DCBLD2: variants seen among roughly 807,000 people sequenced by gnomAD.
The protein encoded by DCBLD2 is discoidin, CUB and LCCL domain containing 2, also known as discoidin, CUB and LCCL domain-containing protein 2.
DCBLD2 carries 54 observed loss-of-function variants against 86.8 expected under a neutral mutation model. The ratio of observed to expected loss-of-function variants is 0.62; its 90% confidence interval spans 0.50 to 0.78. The LOEUF (loss-of-function observed/expected upper bound fraction) is 0.78. Ranked by LOEUF, DCBLD2 falls within the 30% of genes least tolerant of loss-of-function variation. DCBLD2 has a pLI of 0.00. For missense variants in DCBLD2, 908 were observed against 954.2 expected, an observed-to-expected ratio of 0.95 and a Z score of 0.64; for synonymous variants, 354 against 341.3, an observed-to-expected ratio of 1.04 and a Z score of -0.41.
intron 3 of DCBLD2, among the ~76,000 whole-genome samples, chr3:98,847,214 A>G (rs1942742467): frequency 7.7e-6 from 1 of 130,228 alleles, no homozygotes; most frequent in Admixed American, 7.7e-5. Context: ...GCCTACAAAC[A>G]GTACACATGT....
At chr3:98,842,841 A>C (rs1358254453) in intron 3 of DCBLD2, among the ~76,000 whole-genome samples, 1 of 152,226 alleles carries the variant, frequency 6.6e-6, no homozygotes, top group Non-Finnish European at 1.5e-5. Flanking sequence ...TTTGTGACCT[A>C]CACAGTATCT....
At chr3:98,893,951 T>C (rs1222426906) in intron 1 of DCBLD2, among the ~76,000 whole-genome samples, 1 of 152,220 alleles carries the variant, frequency 6.6e-6, no homozygotes, top group Admixed American at 6.5e-5. Flanking sequence ...ACCTCATTTG[T>C]GGCAGATCTA....
At chr3:98,842,302 C>A (rs1430219652) in intron 3 of DCBLD2, among the ~76,000 whole-genome samples, 1 of 152,122 alleles carries the variant, frequency 6.6e-6, no homozygotes, top group Non-Finnish European at 1.5e-5. Context: ...TGTTCAAGTG[C>A]TAAAGGATGT....
At chr3:98,800,185 A>G (rs1048873088) in intron 15 of DCBLD2, among the ~76,000 whole-genome samples, 3 of 152,210 alleles carry the variant, frequency 2.0e-5, no homozygotes, top group African/African-American at 7.2e-5. Flanking sequence ...ACTGGAATAA[A>G]TATTAATCTT....
chr3:98,844,751 C>A (rs1942689153), intron 3 of DCBLD2, among the ~76,000 whole-genome samples: 1 of 152,198 alleles, frequency 6.6e-6, no homozygotes, highest in South Asian at 2.1e-4. Flanking sequence ...GTAACACCAG[C>A]AGTAACTCAG....
chr3:98,804,351 T>C (rs1941789980), intron 13 of DCBLD2, among the ~76,000 whole-genome samples: 1 of 152,232 alleles, frequency 6.6e-6, no homozygotes, highest in Non-Finnish European at 1.5e-5. Flanking sequence ...TTTGTAGTAT[T>C]CTCTGATGGT....
chr3:98,849,567 G>A lies in DCBLD2; in HGVS notation c.465C>T (p.Asn155=), dbSNP rs1576180480. 1 of 1,613,412 alleles carries A rather than the reference G, an allele frequency of 6.2e-7. No homozygotes were observed. The highest frequency in any genetic ancestry group is 8.5e-7 in the Non-Finnish European group (1 of 1,179,456). ...GKYCGLGLQM[N]HSIESKGNEI... Reference sequence around the variant, plus strand: ...CATTGCCTTTTGATTCAATTGAATGGTTCATTTGCAACCCCAGACCACAGT... The same window carrying A: ...CATTGCCTTTTGATTCAATTGAATGATTCATTTGCAACCCCAGACCACAGT... Residue 155 remains asparagine, a synonymous_variant, in exon 3 of 16, where the codon AAC becomes AAT. Coordinates refer to ENST00000326840, the MANE Select transcript of DCBLD2 (RefSeq NM_080927.4).
chr3:98,818,788 G>A (rs2107444275), intron 8 of DCBLD2, among the ~76,000 whole-genome samples: 1 of 152,166 alleles, frequency 6.6e-6, no homozygotes, highest in East Asian at 1.9e-4. Context: ...CAAGTTCTTA[G>A]CTTTGGGACT....
chr3:98,892,445 G>A (rs900806611), intron 1 of DCBLD2, among the ~76,000 whole-genome samples: 7 of 151,978 alleles, frequency 4.6e-5, no homozygotes, highest in Non-Finnish European at 8.8e-5. Flanking sequence ...TTATTTGACT[G>A]GTCCAAGGGT....
At chr3:98,877,475 A>G (rs1286690844) in intron 2 of DCBLD2, among the ~76,000 whole-genome samples, 1 of 152,214 alleles carries the variant, frequency 6.6e-6, no homozygotes, top group Non-Finnish European at 1.5e-5. Flanking sequence ...CAGAGAAGTG[A>G]GTTAGAAAGA....
At chr3:98,858,089 C>T (rs540045444) in intron 2 of DCBLD2, among the ~76,000 whole-genome samples, 17 of 152,328 alleles carry the variant, frequency 1.1e-4, no homozygotes, top group African/African-American at 2.9e-4. Context: ...TCAGGCATGG[C>T]GGGCTGCAGG....
At chr3:98,876,556 T>C (rs902626923) in intron 2 of DCBLD2, among the ~76,000 whole-genome samples, 2 of 151,688 alleles carry the variant, frequency 1.3e-5, no homozygotes, top group Non-Finnish European at 1.5e-5. Context: ...TTAAAAGATA[T>C]GACAACACAC....
At chr3:98,880,485 C>T (rs1298282830) in intron 2 of DCBLD2, among the ~76,000 whole-genome samples, 1 of 152,180 alleles carries the variant, frequency 6.6e-6, no homozygotes, top group East Asian at 1.9e-4. Context: ...TTAAACGTGA[C>T]TGCAAGAGAT....
chr3:98,835,642 C>A (rs1291688210), intron 3 of DCBLD2, among the ~76,000 whole-genome samples: 2 of 148,642 alleles, frequency 1.3e-5, no homozygotes, highest in Admixed American at 6.7e-5. Context: ...TTCTGCCTCC[C>A]GGATTCAAGC....
In DCBLD2 at chr3:98,852,404, G is replaced by A. The variant is rs148925995; in HGVS notation, c.434-2806C>T. Among the ~76,000 whole-genome samples, 1,180 of 151,982 alleles carry A rather than the reference G, an allele frequency of 7.8e-3. 27 individuals carry two copies. The highest frequency in any genetic ancestry group is 0.027 in the African/African-American group (1,125 of 41,462). ...TGGGATTACAGGCGCACACCAACAC[G>A]CCAGGCTAATTTTTGTATTTTTATT... On this transcript the variant is annotated intron_variant, in intron 2 of 15. Transcript: ENST00000326840.
chr3:98,826,945 T>C (rs932051107), intron 3 of DCBLD2, among the ~76,000 whole-genome samples: 1 of 152,160 alleles, frequency 6.6e-6, no homozygotes, highest in African/African-American at 2.4e-5. Flanking sequence ...AAATTAATGG[T>C]TACCACAGCA....
intron 2 of DCBLD2, among the ~76,000 whole-genome samples, chr3:98,868,918 T>G (rs1228733215): frequency 6.6e-6 from 1 of 152,236 alleles, no homozygotes; most frequent in Non-Finnish European, 1.5e-5. Flanking sequence ...TGAATTCTAC[T>G]ATGATAAACA....
intron 1 of DCBLD2, among the ~76,000 whole-genome samples, chr3:98,897,725 C>G (rs1346896233): frequency 6.6e-6 from 1 of 152,028 alleles, no homozygotes; most frequent in Non-Finnish European, 1.5e-5. Context: ...AAACTAATAT[C>G]TTCACAACAT....
At chr3:98,896,510 G>A (rs1039773748) in intron 1 of DCBLD2, among the ~76,000 whole-genome samples, 1 of 152,096 alleles carries the variant, frequency 6.6e-6, no homozygotes, top group Non-Finnish European at 1.5e-5. Context: ...GCTTATGTGT[G>A]CTAAATTAGC....
Sources: gnomAD v4.1 joint callset for allele counts (sites outside exome capture counted in the v4.1 genomes callset) on GRCh38, gnomAD v4.1.1 for gene constraint, MANE v1.5 for transcripts, NCBI Gene and HGNC (gene_info 2026-07-23, HGNC 2026-07-21) for gene names.